The following PICK1 variants were observed in gnomAD, a reference collection of about 807,000 sequenced individuals.
PICK1 encodes the protein PRKCA-binding protein.
PICK1 carries 23 observed loss-of-function variants against 48.9 expected under a neutral mutation model. That is an observed-to-expected ratio of 0.47 (90% CI 0.34 to 0.67). The LOEUF is 0.67. Ranked by LOEUF, PICK1 falls within the 30% of genes least tolerant of loss-of-function variation. PICK1 has a pLI of 0.01. For synonymous variants in PICK1, 217 were observed against 228.2 expected (o/e 0.95, Z 0.44); for missense variants, 423 against 557.1 (o/e 0.76, Z 2.42).
At chr22:38,071,541 C>G in intron 7 of PICK1, 141 bp from the exon 8 acceptor site, 2 of 798,986 alleles carry the variant, frequency 2.5e-6, no homozygotes, top group Middle Eastern at 2.7e-4. Flanking sequence ...TACCCCTGGG[C>G]TGTGGTTGGG....
rs1160400258 is a variant in PICK1, at chr22:38,066,351, T to C, written c.282+1221T>C. 1.3e-5 allele frequency among the ~76,000 whole-genome samples: 2 copies of C among 152,108 alleles called. No individual in the cohort carries two copies. Among genetic ancestry groups the C allele is most frequent in the Non-Finnish European group, 1.5e-5 (1 of 68,018 alleles). On this transcript the variant is annotated intron_variant, in intron 4 of 12. Coordinates refer to ENST00000356976, the MANE Select transcript of PICK1 (RefSeq NM_012407.4). This position sits in a 1 kb window ranked among gnomAD's most constrained non-coding sequence, Gnocchi z 4.1. Reference sequence around the variant, plus strand: ...TGGCAGCCCTTCCCCCCTCCGCATCTCCTCCCCATCTCCACTCGCCAGGTC... The same window carrying C: ...TGGCAGCCCTTCCCCCCTCCGCATCCCCTCCCCATCTCCACTCGCCAGGTC...
intron 8 of PICK1, 115 bp downstream of exon 8, chr22:38,071,859 G>T: frequency 2.2e-6 from 2 of 898,930 alleles, no homozygotes; most frequent in Non-Finnish European, 3.7e-6. Context: ...CTCTGGGCTG[G>T]GCCTGGTCCC....
rs1262072691 is a variant in PICK1, at chr22:38,066,144, C to T, written c.282+1014C>T. 6.6e-6 allele frequency among the ~76,000 whole-genome samples: 1 copy of T among 152,176 alleles called. No homozygotes were observed. The highest frequency in any genetic ancestry group is 1.5e-5 in the Non-Finnish European group (1 of 68,026). ...CCATAGGACAAATCAGGGCCTGGGG[C>T]TGGGGCTCAGAGCTCTGTTGTAAAA... On this transcript the variant is annotated intron_variant, in intron 4 of 12. Transcript: ENST00000356976. This position sits in a 1 kb window ranked among gnomAD's most constrained non-coding sequence, Gnocchi z 4.1.
At position 38,069,052 on chromosome 22, in the gene PICK1, C is replaced by T. The variant is rs1378053121; in HGVS notation, c.369C>T (p.His123=). 1.9e-6 allele frequency: 3 copies of T among 1,613,486 alleles called. No homozygotes were observed. Among genetic ancestry groups the T allele is most frequent in the Admixed American group, 3.3e-5 (2 of 59,986 alleles). Residue 123 remains histidine, a synonymous_variant, in exon 6 of 13, where the codon CAC becomes CAT. Transcript: ENST00000356976. ...SLDIVLKKVK[H]RLVENMSSGT... The stretch of plus-strand genomic sequence containing the variant: ...GCTCAGTGTTGAAGAAAGTCAAGCA[C>T]CGGCTGGTGGAGAACATGAGTTCAG...
chr22:38,067,395 C>T (rs546709073), intron 4 of PICK1: 211 of 368,396 alleles, frequency 5.7e-4, no homozygotes, highest in African/African-American at 1.9e-3. Flanking sequence ...CTGCAACCTC[C>T]GCCTCCCAGG....
In PICK1 at chr22:38,069,034, G is replaced by A; in HGVS notation, c.351G>A (p.Val117=). The A allele has an allele frequency of 1.2e-6, 2 of 1,612,824 alleles. No individual in the cohort carries two copies. The highest frequency in any genetic ancestry group is 1.7e-6 in the Non-Finnish European group (2 of 1,179,390). ...DPKQGMSLDI[V]LKKVKHRLVE... is the part of the protein sequence containing the mutation. Reference sequence around the variant, plus strand: ...CCAGGTCCTTTGTCCCCCGCTCAGTGTTGAAGAAAGTCAAGCACCGGCTGG... The same window carrying A: ...CCAGGTCCTTTGTCCCCCGCTCAGTATTGAAGAAAGTCAAGCACCGGCTGG... Residue 117 remains valine, a splice_region_variant and synonymous_variant, in exon 6 of 13, where the codon GTG becomes GTA. Transcript: ENST00000356976.
chr22:38,064,148 C>A (rs2085469802), intron 3 of PICK1, among the ~76,000 whole-genome samples: 1 of 152,032 alleles, frequency 6.6e-6, no homozygotes, highest in African/African-American at 2.4e-5. Context: ...ACCTCCACTT[C>A]CCAGGTTCAA....
intron 4 of PICK1, 99 bp from the exon 5 acceptor site, chr22:38,067,605 G>A (rs1040363903): frequency 1.2e-5 from 13 of 1,065,850 alleles, no homozygotes; most frequent in East Asian, 9.5e-5. Flanking sequence ...CACCGCACCC[G>A]GCCTTGGGCT....
At position 38,074,600 on chromosome 22, in the gene PICK1, C is replaced by A; in HGVS notation, c.979+149C>A. 1 of 1,190,784 alleles carries A rather than the reference C, an allele frequency of 8.4e-7. No homozygotes were observed. Among genetic ancestry groups the A allele is most frequent in the Non-Finnish European group, 1.2e-6 (1 of 824,298 alleles). The allele number at this position is 1,190,784 out of a possible 1,614,324, so 73.8% of individuals were successfully genotyped here. A position where few individuals can be genotyped will look rare whatever the true frequency, so the allele number is the denominator to read the frequency against. Reference sequence around the variant, plus strand: ...TGCCCAGAGCCTGGCCTGGGTGGAGCTGGCCTGTGCGCGTGGGCTCCGTGG... The same window carrying A: ...TGCCCAGAGCCTGGCCTGGGTGGAGATGGCCTGTGCGCGTGGGCTCCGTGG... On this transcript the variant is annotated intron_variant, in intron 12 of 12. Transcript: ENST00000356976. The surrounding 1 kb of genome is among the most constrained non-coding windows in gnomAD (Gnocchi z 4.5).
chr22:38,073,774 C>T lies in PICK1; in HGVS notation c.785C>T (p.Ser262Leu), dbSNP rs2085759776. ...GACAGCCTCACCTGTCCCACACAGT[C>T]GTACTGCCTGAAGGTGAAGGAGATG... ...KYLDVKFEYL[S>L]YCLKVKEMDD... is the part of the protein sequence containing the mutation. The change falls in exon 11 of 13, where the codon TCG becomes TTG. Residue 262 changes from serine (S) to leucine (L), a missense_variant and splice_region_variant. Transcript: ENST00000356976. The surrounding 1 kb of genome is among the most constrained non-coding windows in gnomAD (Gnocchi z 5.7). 1.2e-6 allele frequency: 2 copies of T among 1,613,194 alleles called. No individual in the cohort carries two copies. The highest frequency in any genetic ancestry group is 2.2e-5 in the East Asian group (1 of 44,842).
chr22:38,061,291 A>T (rs1232667089), intron 3 of PICK1, among the ~76,000 whole-genome samples: 1 of 152,080 alleles, frequency 6.6e-6, no homozygotes, highest in Non-Finnish European at 1.5e-5. Flanking sequence ...CAGTAAGCCG[A>T]GATCGTGCCA....
At chr22:38,059,163 G>A in intron 2 of PICK1, 71 bp from the exon 3 acceptor site, 1 of 1,152,278 alleles carries the variant, frequency 8.7e-7, no homozygotes, top group Admixed American at 2.0e-5. Context: ...CCCCTCAGGA[G>A]TTTTAGAGGG....
At chr22:38,065,916 A>C (rs1670658581) in intron 4 of PICK1, among the ~76,000 whole-genome samples, 1 of 152,220 alleles carries the variant, frequency 6.6e-6, no homozygotes, top group Admixed American at 6.5e-5. Context: ...CAAGGGTGGC[A>C]GCTACCTCCC....
rs2085772413 is a variant in PICK1 at position 38,074,214 on chromosome 22, G to C, written c.835-93G>C. 2.8e-6 allele frequency: 4 copies of C among 1,444,000 alleles called. No individual in the cohort carries two copies. Among genetic ancestry groups the C allele is most frequent in the Non-Finnish European group, 3.9e-6 (4 of 1,034,676 alleles). The allele number at this position is 1,444,000 out of a possible 1,614,324, so 89.4% of individuals were successfully genotyped here. On this transcript the variant is annotated intron_variant, in intron 11 of 12. Transcript: ENST00000356976. The surrounding 1 kb of genome is among the most constrained non-coding windows in gnomAD (Gnocchi z 4.5). Reference sequence around the variant, plus strand: ...AGAAACACTGAAGTCTCAGAAATGAGGTCTCAGGAATGAAGAACAGCCGTG... The same window carrying C: ...AGAAACACTGAAGTCTCAGAAATGACGTCTCAGGAATGAAGAACAGCCGTG...
intron 3 of PICK1, among the ~76,000 whole-genome samples, chr22:38,063,224 A>G: frequency 6.6e-6 from 1 of 151,324 alleles, no homozygotes; most frequent in Admixed American, 6.6e-5. Context: ...GGGTGCGATC[A>G]TGGCTCACTG....
chr22:38,058,031 G>A lies in PICK1; in HGVS notation c.41+181G>A, dbSNP rs1185891102. 3.4e-5 allele frequency: 23 copies of A among 681,294 alleles called. No homozygotes were observed. In the East Asian group the frequency reaches 3.8e-4, roughly 11 times the overall value. 42.2% of individuals were successfully genotyped at this position (681,294 alleles called of 1,614,324 possible). On this transcript the variant is annotated intron_variant, in intron 2 of 12. Transcript: ENST00000356976. ...TGTAGGGGGCTGTGGACAGTTAAAGGGATAATCACAGCTCAGTGCCATAAG... is the reference window on the plus strand; with the variant it reads ...TGTAGGGGGCTGTGGACAGTTAAAGAGATAATCACAGCTCAGTGCCATAAG...
chr22:38,067,352 C>G, intron 4 of PICK1: 1 of 230,556 alleles, frequency 4.3e-6, no homozygotes, highest in South Asian at 5.3e-5. Flanking sequence ...TTCTGTCATC[C>G]AGGCTGGAGT....
In PICK1 at chr22:38,072,616, T is replaced by A; in HGVS notation, c.690+6T>A. ...TTCTGAAAACCATCAAGCCGGTAGG[T>A]CCTATTGAGCATGTGTGTGTCTGGC... On this transcript the variant is annotated splice_donor_region_variant and intron_variant, in intron 9 of 12. Coordinates refer to ENST00000356976, the MANE Select transcript of PICK1 (RefSeq NM_012407.4). 3 of 1,612,796 alleles carry A rather than the reference T, an allele frequency of 1.9e-6. No homozygotes were observed. Among genetic ancestry groups the A allele is most frequent in the Non-Finnish European group, 2.5e-6 (3 of 1,179,966 alleles).
chr22:38,071,779 G>C, intron 8 of PICK1, 35 bp downstream of exon 8: 3 of 1,578,362 alleles, frequency 1.9e-6, no homozygotes, highest in Non-Finnish European at 2.6e-6. Flanking sequence ...GTGTGACCGT[G>C]GGCAATCCCT....
Sources: allele counts gnomAD v4.1 joint callset (sites outside exome capture counted in the v4.1 genomes callset), GRCh38; gene constraint gnomAD v4.1.1; non-coding constraint Gnocchi (gnomAD v3.1); transcripts MANE v1.5; gene names NCBI Gene and HGNC (gene_info 2026-07-23, HGNC 2026-07-21).